CFTR: variants seen among roughly 807,000 people sequenced by gnomAD.
CFTR encodes the protein cystic fibrosis transmembrane conductance regulator.
In CFTR, 181 loss-of-function variants were observed where a neutral mutation model predicts 171.6. The ratio of observed to expected loss-of-function variants is 1.05; its 90% CI spans 0.93 to 1.19. The LOEUF (loss-of-function observed/expected upper bound fraction) is 1.19. CFTR is among the 50% of genes most tolerant of loss of function. The pLI, the probability that CFTR is intolerant of heterozygous loss-of-function variation, is 0.00. For missense variants in CFTR, 1,968 were observed against 1,734.7 expected, an observed-to-expected ratio of 1.13 and a Z score of -2.39; for synonymous variants, 583 against 608.0, an observed-to-expected ratio of 0.96 and a Z score of 0.60.
intron 3 of CFTR, among the ~76,000 whole-genome samples, chr7:117,521,755 T>C (rs576651581): frequency 1.3e-3 from 202 of 152,296 alleles, no homozygotes; most frequent in African/African-American, 4.8e-3. Flanking sequence ...TGCTTTGGGA[T>C]CAGAACTGTA....
At chr7:117,511,322 CA>C (rs1562884604) in intron 3 of CFTR, among the ~76,000 whole-genome samples, 1 of 151,654 alleles carries the variant, frequency 6.6e-6, no homozygotes, top group African/African-American at 2.4e-5. Context: ...AACCTATAGA[CA>C]AAAAAAGGGA....
At chr7:117,516,824 C>A (rs1028898822) in intron 3 of CFTR, among the ~76,000 whole-genome samples, 1 of 152,118 alleles carries the variant, frequency 6.6e-6, no homozygotes, top group African/African-American at 2.4e-5. Context: ...CAATGACACT[C>A]TTTAAGTTAT....
chr7:117,501,536 A>G (rs1798325924), intron 1 of CFTR, among the ~76,000 whole-genome samples: 1 of 151,968 alleles, frequency 6.6e-6, no homozygotes, highest in African/African-American at 2.4e-5. Context: ...GCCTGAAGTC[A>G]GGGGTTCGAG....
At chr7:117,590,961 A>G (rs1050879802) in intron 13 of CFTR, among the ~76,000 whole-genome samples, 16 of 152,036 alleles carry the variant, frequency 1.1e-4, no homozygotes, top group Non-Finnish European at 2.9e-5. Flanking sequence ...GTTAGGGTCC[A>G]ATGTACATGA....
At chr7:117,639,713 A>C (rs1792881179) in intron 22 of CFTR, among the ~76,000 whole-genome samples, 1 of 152,216 alleles carries the variant, frequency 6.6e-6, no homozygotes, top group Non-Finnish European at 1.5e-5. Context: ...TTTGTTAAAC[A>C]CATATCCCAT....
At chr7:117,560,051 A>G (rs1202193860) in intron 11 of CFTR, among the ~76,000 whole-genome samples, 2 of 152,008 alleles carry the variant, frequency 1.3e-5, no homozygotes, top group East Asian at 3.9e-4. Flanking sequence ...AATTATTAAG[A>G]TTATTTTAAT....
intron 2 of CFTR, 124 bp from the exon 3 acceptor site, chr7:117,508,910 C>A: frequency 1.4e-6 from 1 of 721,604 alleles, no homozygotes; most frequent in South Asian, 1.5e-5. Flanking sequence ...GAGATTTTGT[C>A]TCTATAATAC....
At chr7:117,613,751 A>T in intron 20 of CFTR, among the ~76,000 whole-genome samples, 1 of 152,148 alleles carries the variant, frequency 6.6e-6, no homozygotes, top group East Asian at 1.9e-4. Flanking sequence ...AATTTCAATT[A>T]ATAATAAGAT....
chr7:117,602,244 C>T (rs1792237981), intron 15 of CFTR, among the ~76,000 whole-genome samples: 1 of 152,226 alleles, frequency 6.6e-6, no homozygotes, highest in Non-Finnish European at 1.5e-5. Context: ...CCACATTGGC[C>T]AGGCTGGCCT....
intron 20 of CFTR, 80 bp downstream of exon 20, chr7:117,611,888 T>C (rs1006381917): frequency 2.2e-6 from 2 of 928,806 alleles, no homozygotes; most frequent in Non-Finnish European, 3.4e-6. Context: ...CTATAGGTTA[T>C]CAATTTTTGA....
chr7:117,595,211 G>A (rs1792102160), intron 15 of CFTR, among the ~76,000 whole-genome samples, 153 bp downstream of exon 15: 1 of 151,160 alleles, frequency 6.6e-6, no homozygotes, highest in Non-Finnish European at 1.5e-5. Flanking sequence ...ATCACTATAT[G>A]TATATATGTA....
intron 1 of CFTR, among the ~76,000 whole-genome samples, chr7:117,501,590 A>G (rs1046514976): frequency 6.6e-6 from 1 of 151,582 alleles, no homozygotes; most frequent in East Asian, 1.9e-4. Context: ...TACTAAAAAT[A>G]TAAAAAAATA....
At chr7:117,641,295 G>A (rs1445929156) in intron 22 of CFTR, among the ~76,000 whole-genome samples, 1 of 152,082 alleles carries the variant, frequency 6.6e-6, no homozygotes, top group South Asian at 2.1e-4. Context: ...CCCTTCACTG[G>A]TTCTGGTTTA....
In CFTR at chr7:117,616,699, T is replaced by C. The variant is rs1052740547; in HGVS notation, c.3468+1986T>C. 2.6e-5 allele frequency among the ~76,000 whole-genome samples: 4 copies of C among 152,132 alleles called. No homozygotes were observed. The East Asian group carries it at 5.8e-4, about 22-fold the overall frequency. ...CTTTGATATCGTGCCTTTCATCTTGTGGCATTGAAGGATCTTTGCAAGGAC... is the reference window on the plus strand; with the variant it reads ...CTTTGATATCGTGCCTTTCATCTTGCGGCATTGAAGGATCTTTGCAAGGAC... On this transcript the variant is annotated intron_variant, in intron 21 of 26. Transcript: ENST00000003084.
At position 117,667,009 on chromosome 7, in the gene CFTR, G is replaced by A. The variant is rs759044436; in HGVS notation, c.4344G>A (p.Lys1448=). The A allele has an allele frequency of 1.2e-6, 2 of 1,614,004 alleles. No homozygotes were observed. Among genetic ancestry groups the A allele is most frequent in the South Asian group, 2.2e-5 (2 of 91,072 alleles). ...RQAISPSDRV[K]LFPHRNSSKC... ...CCATCAGCCCCTCCGACAGGGTGAA[G>A]CTCTTTCCCCACCGGAACTCAAGCA... The change falls in exon 27 of 27, where the codon AAG becomes AAA. Residue 1448 remains lysine (K), a synonymous_variant. Transcript: ENST00000003084.
rs185398674 is a variant in CFTR at position 117,644,178 on chromosome 7, A to G, written c.3873+1585A>G. On this transcript the variant is annotated intron_variant, in intron 23 of 26. Coordinates refer to ENST00000003084, the MANE Select transcript of CFTR (RefSeq NM_000492.4). Reference sequence around the variant, plus strand: ...TGATCTTGATATCGATGCTTTTCATATATGTGTTTATGATGCTGGTTTCTG... The same window carrying G: ...TGATCTTGATATCGATGCTTTTCATGTATGTGTTTATGATGCTGGTTTCTG... 9.2e-5 allele frequency among the ~76,000 whole-genome samples: 14 copies of G among 152,086 alleles called. No individual in the cohort carries two copies. In the East Asian group the frequency reaches 2.5e-3, roughly 27 times the overall value.
chr7:117,584,418 T>C (rs570197849), intron 11 of CFTR, among the ~76,000 whole-genome samples: 1 of 152,304 alleles, frequency 6.6e-6, no homozygotes, highest in South Asian at 2.1e-4. Flanking sequence ...GCACCATTTA[T>C]TAGATAGGGT....
chr7:117,647,932 CA>C (rs1793019004), intron 23 of CFTR, among the ~76,000 whole-genome samples: 1 of 150,712 alleles, frequency 6.6e-6, no homozygotes, highest in Non-Finnish European at 1.5e-5. Context: ...CAGACATTGT[CA>C]AAAAGGGACG....
intron 17 of CFTR, among the ~76,000 whole-genome samples, chr7:117,605,301 C>T (rs1792284514): frequency 6.6e-6 from 1 of 152,018 alleles, no homozygotes. Flanking sequence ...GCTATTTTTT[C>T]AATTTTTGAT....
Sources: gnomAD v4.1 joint callset for allele counts (sites outside exome capture counted in the v4.1 genomes callset) on GRCh38, gnomAD v4.1.1 for gene constraint, MANE v1.5 for transcripts, NCBI Gene and HGNC (gene_info 2026-07-23, HGNC 2026-07-21) for gene names.